NUP155: variants seen among roughly 807,000 people sequenced by gnomAD.
NUP155 encodes the protein nuclear pore complex protein Nup155.
A neutral mutation model predicts 180.4 loss-of-function variants in NUP155; 71 were observed. The observed-to-expected ratio is 0.39, with a 90% CI of 0.33 to 0.48. The LOEUF is 0.48. Ranked by LOEUF, NUP155 falls within the 20% of genes least tolerant of loss-of-function variation. The pLI, the probability that NUP155 is intolerant of heterozygous loss-of-function variation, is 0.91. For missense variants in NUP155, 1,553 were observed against 1,648.9 expected, an observed-to-expected ratio of 0.94 and a Z score of 1.01; for synonymous variants, 582 against 559.5, an observed-to-expected ratio of 1.04 and a Z score of -0.57.
chr5:37,318,033 C>T lies in NUP155; in HGVS notation c.2260G>A (p.Gly754Arg), dbSNP rs145147317. ...RLIGFMRPENGNPQQMQQELQ... is the reference protein window; with the variant it reads ...RLIGFMRPENRNPQQMQQELQ... Reference sequence around the variant, plus strand: ...TCCTGTTGCATTTGCTGGGGATTTCCGTTTTCAGGACGCATGAATCCTATC... The same window carrying T: ...TCCTGTTGCATTTGCTGGGGATTTCTGTTTTCAGGACGCATGAATCCTATC... Residue 754 changes from glycine (G) to arginine (R), a missense_variant, in exon 21 of 35, where the codon GGA becomes AGA. Transcript: ENST00000231498. 401 of 1,612,936 alleles carry T rather than the reference C, an allele frequency of 2.5e-4. No individual in the cohort carries two copies. Among genetic ancestry groups the T allele is most frequent in the Non-Finnish European group, 3.2e-4 (383 of 1,179,080 alleles).
intron 18 of NUP155, among the ~76,000 whole-genome samples, chr5:37,326,800 T>C (rs942963575): frequency 1.3e-5 from 2 of 152,228 alleles, no homozygotes; most frequent in East Asian, 1.9e-4. Context: ...TGTAGACACA[T>C]GTCACTGAGT....
intron 19 of NUP155, 151 bp from the exon 20 acceptor site, chr5:37,324,258 T>C (rs1581161644): frequency 1.6e-6 from 1 of 642,650 alleles, no homozygotes; most frequent in Non-Finnish European, 2.8e-6. Flanking sequence ...CCTACACACT[T>C]CCTCTCCTGC....
chr5:37,351,324 C>T lies in NUP155; in HGVS notation c.589G>A (p.Gly197Arg). ...AAAGGATCTGGAAGCAACTGCATTC[C>T]ACCAGACAAACTATCATTAAGAACT... ...SGVLNDSLSGGMQLLPDPLYS... is the reference protein window; with the variant it reads ...SGVLNDSLSGRMQLLPDPLYS... The change falls in exon 6 of 35, where the codon GGA becomes AGA. Residue 197 changes from glycine (G) to arginine (R), a missense_variant. Gly to Arg is a moderately radical substitution (Grantham distance 125, BLOSUM62 -2). Coordinates refer to ENST00000231498, the MANE Select transcript of NUP155 (RefSeq NM_153485.3). 1 of 1,612,806 alleles carries T rather than the reference C, an allele frequency of 6.2e-7. No homozygotes were observed. The highest frequency in any genetic ancestry group is 1.1e-5 in the South Asian group (1 of 91,022).
At chr5:37,313,266 A>C (rs950050009) in intron 22 of NUP155, among the ~76,000 whole-genome samples, 1 of 151,820 alleles carries the variant, frequency 6.6e-6, no homozygotes, top group Non-Finnish European at 1.5e-5. Context: ...CCCCGTCTCT[A>C]CTAAAATACA....
intron 21 of NUP155, among the ~76,000 whole-genome samples, chr5:37,314,842 T>TA (rs1416503935): frequency 6.6e-6 from 1 of 151,892 alleles, no homozygotes; most frequent in Non-Finnish European, 1.5e-5. Flanking sequence ...TAAAAGATAG[T>TA]AAAAAAGAAT....
chr5:37,361,295 TGAACA>T (rs1454387215), intron 3 of NUP155, among the ~76,000 whole-genome samples: 2 of 137,806 alleles, frequency 1.5e-5, no homozygotes, highest in Non-Finnish European at 3.1e-5. Context: ...AGACAATGGC[TGAACA>T]GAAAAGGAGA....
At position 37,309,243 on chromosome 5, in the gene NUP155, G is replaced by T; in HGVS notation, c.2653C>A (p.Arg885=). Residue 885 remains arginine (R), a synonymous_variant, in exon 24 of 35, where the codon CGA becomes AGA. Coordinates refer to ENST00000231498, the MANE Select transcript of NUP155 (RefSeq NM_153485.3). ...SKANELLQRS[R]QVQNKTEKER... ...TTTTCAGTCTTATTTTGAACTTGTCGGGAACGCTGGAGAAGCTCATTTGCC... is the reference window on the plus strand; with the variant it reads ...TTTTCAGTCTTATTTTGAACTTGTCTGGAACGCTGGAGAAGCTCATTTGCC... 1 of 1,612,000 alleles carries T rather than the reference G, an allele frequency of 6.2e-7. No homozygotes were observed. The highest frequency in any genetic ancestry group is 8.5e-7 in the Non-Finnish European group (1 of 1,179,436).
At position 37,309,124 on chromosome 5, in the gene NUP155, C is replaced by G. The variant is rs369002920; in HGVS notation, c.2767+5G>C. Reference sequence around the variant, plus strand: ...AAAAGATACAAGAAACATTTTATTTCTCACCTTGTCTATACTGAGCACAAA... The same window carrying G: ...AAAAGATACAAGAAACATTTTATTTGTCACCTTGTCTATACTGAGCACAAA... On this transcript the variant is annotated splice_donor_5th_base_variant and intron_variant, in intron 24 of 34. Coordinates refer to ENST00000231498, the MANE Select transcript of NUP155 (RefSeq NM_153485.3). The G allele has an allele frequency of 4.3e-6, 7 of 1,612,664 alleles. No individual in the cohort carries two copies. Among genetic ancestry groups the G allele is most frequent in the South Asian group, 3.3e-5 (3 of 91,046 alleles).
At chr5:37,367,068 C>T (rs1179964293) in intron 1 of NUP155, among the ~76,000 whole-genome samples, 14 of 149,978 alleles carry the variant, frequency 9.3e-5, no homozygotes, top group African/African-American at 3.0e-4. Flanking sequence ...TTTCCTGAGA[C>T]GGGGTTTCAC....
chr5:37,312,778 C>T (rs1455568629), intron 22 of NUP155, among the ~76,000 whole-genome samples: 3 of 151,936 alleles, frequency 2.0e-5, no homozygotes, highest in Non-Finnish European at 4.4e-5. Flanking sequence ...TGCAGTGAGC[C>T]GTGATCATGC....
chr5:37,313,500 TGTGTGA>T (rs1285547310), intron 22 of NUP155, among the ~76,000 whole-genome samples: 1 of 149,052 alleles, frequency 6.7e-6, no homozygotes, highest in Non-Finnish European at 1.5e-5. Context: ...TGTGTGTGTG[TGTGTGA>T]GAGAGACAGA....
chr5:37,355,559 A>ATATATT (rs1412318011), intron 4 of NUP155, among the ~76,000 whole-genome samples: 1 of 138,328 alleles, frequency 7.2e-6, no homozygotes, highest in African/African-American at 2.9e-5. Context: ...ATATATATAT[A>ATATATT]TATTTATTTA....
At chr5:37,338,102 C>CTT (rs373634350) in intron 11 of NUP155, among the ~76,000 whole-genome samples, 184 bp from the exon 12 acceptor site, 1,802 of 151,960 alleles carry the variant, frequency 0.012, 23 homozygotes, top group Non-Finnish European at 0.016. Context: ...GGGTGGATCA[C>CTT]GAGGTCAGGA....
At chr5:37,323,413 A>G (rs1744375759) in intron 20 of NUP155, among the ~76,000 whole-genome samples, 1 of 152,214 alleles carries the variant, frequency 6.6e-6, no homozygotes, top group South Asian at 2.1e-4. Flanking sequence ...AATACATGCT[A>G]CAACAATCAA....
In NUP155 at chr5:37,305,183, G is replaced by T; in HGVS notation, c.2931C>A (p.Asp977Glu). Residue 977 changes from aspartate to glutamate, a missense_variant, in exon 26 of 35, where the codon GAC becomes GAA. Asp to Glu is a conservative substitution (Grantham distance 45, BLOSUM62 2). Coordinates refer to ENST00000231498, the MANE Select transcript of NUP155 (RefSeq NM_153485.3). ...TTTGATTTACCAGTTCTTGAAGTGTGTCTGTAATGCATTTGTAACTGTTTA... is the reference window on the plus strand; with the variant it reads ...TTTGATTTACCAGTTCTTGAAGTGTTTCTGTAATGCATTTGTAACTGTTTA... ...ERLNSYKCIT[D>E]TLQELVNQSK... The T allele has an allele frequency of 6.2e-7, 1 of 1,613,194 alleles. No individual in the cohort carries two copies. The highest frequency in any genetic ancestry group is 1.1e-5 in the South Asian group (1 of 91,054).
chr5:37,302,876 T>C lies in NUP155; in HGVS notation c.3350A>G (p.Tyr1117Cys). The change falls in exon 29 of 35, where the codon TAC becomes TGC. Residue 1117 changes from tyrosine (Y) to cysteine (C), a missense_variant. Physicochemically the swap from Tyr to Cys is radical, Grantham distance 194. Transcript: ENST00000231498. The part of the protein sequence containing the change: ...TEISLQQRLE[Y>C]IARAILSAKS... ...GGCACTAAGAATGGCTCGAGCAATG[T>C]ACTCTAGTCGCTGCTGAAGTGAAAT... 1 of 1,614,098 alleles carries C rather than the reference T, an allele frequency of 6.2e-7. No homozygotes were observed. Among genetic ancestry groups the C allele is most frequent in the Non-Finnish European group, 8.5e-7 (1 of 1,179,968 alleles).
At chr5:37,335,103 A>T (rs1453998696) in intron 12 of NUP155, among the ~76,000 whole-genome samples, 1 of 150,606 alleles carries the variant, frequency 6.6e-6, no homozygotes, top group African/African-American at 2.5e-5. Flanking sequence ...GGTTGCAGTG[A>T]GCCGAGATTG....
chr5:37,358,137 T>C lies in NUP155; in HGVS notation c.407A>G (p.Tyr136Cys), dbSNP rs1378059695. Reference protein sequence around the residue: ...WNYEDGGDLAYFDGLSETILA... With the variant: ...WNYEDGGDLACFDGLSETILA... The stretch of plus-strand genomic sequence containing the variant: ...AATAGTCTCACTAAGTCCATCAAAA[T>C]AGGCAAGGTCTCCTCTGTGAATAAA... The change falls in exon 4 of 35, where the codon TAT (tyrosine) becomes TGT (cysteine). Residue 136 changes from tyrosine (Y) to cysteine (C), a missense_variant. By Grantham distance (194) the Tyr-to-Cys change is radical. Coordinates refer to ENST00000231498, the MANE Select transcript of NUP155 (RefSeq NM_153485.3). 6.2e-7 allele frequency: 1 copy of C among 1,612,734 alleles called. No homozygotes were observed. Among genetic ancestry groups the C allele is most frequent in the Non-Finnish European group, 8.5e-7 (1 of 1,178,796 alleles).
At chr5:37,365,415 A>C (rs1198114432) in intron 1 of NUP155, among the ~76,000 whole-genome samples, 1 of 151,300 alleles carries the variant, frequency 6.6e-6, no homozygotes, top group Non-Finnish European at 1.5e-5. Context: ...GCACCACATA[A>C]ATATATACAC....
Sources: gnomAD v4.1 joint callset for allele counts (sites outside exome capture counted in the v4.1 genomes callset) on GRCh38, gnomAD v4.1.1 for gene constraint, MANE v1.5 for transcripts, NCBI Gene and HGNC (gene_info 2026-07-23, HGNC 2026-07-21) for gene names.